The following SYNJ1 variants were observed in gnomAD, a reference collection of about 807,000 sequenced individuals.
The protein encoded by SYNJ1 is synaptojanin 1, also known as polyphosphatidylinositol phosphatase SYNJ1.
SYNJ1 carries 78 observed loss-of-function variants against 168.2 expected under a neutral mutation model. That is an observed-to-expected ratio of 0.46 (90% CI 0.39 to 0.56). The LOEUF (loss-of-function observed/expected upper bound fraction) is 0.56, where lower values mean the gene tolerates loss of function less well. SYNJ1 is among the 20% of genes least tolerant of loss of function. The pLI, the probability that SYNJ1 is intolerant of heterozygous loss-of-function variation, is 0.00. For synonymous variants in SYNJ1, 539 were observed against 548.6 expected, an observed-to-expected ratio of 0.98 and a Z score of 0.24; for missense variants, 1,303 against 1,597.6, an observed-to-expected ratio of 0.82 and a Z score of 3.14.
Position 32,631,094 on chromosome 21 carries a change from A to G in SYNJ1, c.*711T>C. ...TGCCGGGCGGGAGCAGAGGGACAGG[A>G]GGTGGAGGAGGTCTTCTTGACGGCA... On this transcript the variant is annotated 3_prime_UTR_variant, in exon 33 of 33. Coordinates refer to ENST00000674351, the MANE Select transcript of SYNJ1 (RefSeq NM_203446.3). The G allele has an allele frequency of 1.9e-6, 3 of 1,614,196 alleles. No individual in the cohort carries two copies. Among genetic ancestry groups the G allele is most frequent in the Non-Finnish European group, 2.5e-6 (3 of 1,180,030 alleles).
intron 2 of SYNJ1, among the ~76,000 whole-genome samples, chr21:32,715,319 C>A (rs1321370246): frequency 6.6e-6 from 1 of 151,916 alleles, no homozygotes; most frequent in Non-Finnish European, 1.5e-5. Flanking sequence ...TAAAGAGATA[C>A]AAAAATCAGC....
At chr21:32,663,837 G>C (rs1283628688) in intron 18 of SYNJ1, among the ~76,000 whole-genome samples, 1 of 152,224 alleles carries the variant, frequency 6.6e-6, no homozygotes, top group Non-Finnish European at 1.5e-5. Flanking sequence ...AGTCTCAGAT[G>C]AGAAATGCTA....
rs1264565181 is a variant in SYNJ1 at position 32,666,454 on chromosome 21, G to A, written c.1931C>T (p.Pro644Leu). ...TGACCTGATAAAAGGAGCATGCTGT[G>A]GTCTGATAAAAACAAACAAACAGAC... ...VGVCLFVFIR[P>L]QHAPFIRDVA... Residue 644 changes from proline to leucine, a missense_variant, in exon 16 of 33, where the codon CCA (proline) becomes CTA (leucine). This residue lies in a region of SYNJ1 where 920 missense variants were observed against 1,208.8 expected (regional missense o/e 0.76). Coordinates refer to ENST00000674351, the MANE Select transcript of SYNJ1 (RefSeq NM_203446.3). 6.2e-7 allele frequency: 1 copy of A among 1,613,906 alleles called. No homozygotes were observed. Among genetic ancestry groups the A allele is most frequent in the Non-Finnish European group, 8.5e-7 (1 of 1,179,910 alleles).
At chr21:32,655,160 C>T (rs1367235048) in intron 21 of SYNJ1, among the ~76,000 whole-genome samples, 1 of 152,168 alleles carries the variant, frequency 6.6e-6, no homozygotes, top group Non-Finnish European at 1.5e-5. Context: ...AAAGACAGGT[C>T]CCTTTCCTGT....
intron 26 of SYNJ1, 25 bp downstream of exon 26, chr21:32,644,943 C>A: frequency 7.5e-6 from 12 of 1,604,340 alleles, no homozygotes; most frequent in Non-Finnish European, 1.0e-5. Flanking sequence ...ACGATTCACA[C>A]ATGCTAACAA....
chr21:32,650,473 C>G (rs2145811153), intron 22 of SYNJ1, 127 bp from the exon 23 acceptor site: 2 of 749,834 alleles, frequency 2.7e-6, no homozygotes, highest in Non-Finnish European at 4.0e-6. Flanking sequence ...ATTCAGCTAA[C>G]TAAAGAAATA....
Position 32,702,891 on chromosome 21 carries a change from G to A in SYNJ1, c.125-844C>T, listed in dbSNP as rs553292178. Among the ~76,000 whole-genome samples, 6 of 152,286 alleles carry A rather than the reference G, an allele frequency of 3.9e-5. No homozygotes were observed. In the South Asian group the frequency reaches 1.2e-3, roughly 32 times the overall value. On this transcript the variant is annotated intron_variant, in intron 2 of 32. Transcript: ENST00000674351. Reference sequence around the variant, plus strand: ...GTTTGGCAACACTGACGTGTTCCACGTTAGAAAATCACGTAAGTAGATACT... The same window carrying A: ...GTTTGGCAACACTGACGTGTTCCACATTAGAAAATCACGTAAGTAGATACT...
At chr21:32,669,516 C>T (rs1299969662) in intron 15 of SYNJ1, among the ~76,000 whole-genome samples, 1 of 151,982 alleles carries the variant, frequency 6.6e-6, no homozygotes, top group Non-Finnish European at 1.5e-5. Flanking sequence ...CTTAGGGAAC[C>T]CAAGTGACCA....
At chr21:32,678,861 C>A (rs1369585653) in intron 11 of SYNJ1, 60 bp from the exon 12 acceptor site, 32 of 1,562,642 alleles carry the variant, frequency 2.0e-5, no homozygotes, top group Non-Finnish European at 2.5e-5. Context: ...TGATTTTACT[C>A]ATTAGGTTTT....
At position 32,665,065 on chromosome 21, in the gene SYNJ1, T is replaced by C; in HGVS notation, c.2152A>G (p.Met718Val). The C allele has an allele frequency of 6.3e-7, 1 of 1,590,784 alleles. No homozygotes were observed. The highest frequency in any genetic ancestry group is 8.6e-7 in the Non-Finnish European group (1 of 1,168,440). The change falls in exon 18 of 33, where the codon ATG (methionine) becomes GTG (valine). Residue 718 changes from methionine to valine, a missense_variant. Transcript: ENST00000674351. Reference protein sequence around the residue: ...ARKLSFPMGRMLFSHDYVFWC... With the variant: ...ARKLSFPMGRVLFSHDYVFWC... ...AATACATAGTCATGGGAAAATAGCA[T>C]CCTTCCCTGAAAGCAATGAGATAGA...
At chr21:32,661,138 T>G (rs1034762702) in intron 18 of SYNJ1, among the ~76,000 whole-genome samples, 5 of 152,208 alleles carry the variant, frequency 3.3e-5, no homozygotes, top group African/African-American at 1.2e-4. Flanking sequence ...TGTGCCACAG[T>G]TGCTGAGAGC....
chr21:32,673,588 G>T, intron 13 of SYNJ1, 57 bp from the exon 14 acceptor site: 1 of 1,438,504 alleles, frequency 7.0e-7, no homozygotes, highest in Non-Finnish European at 9.3e-7. Context: ...TATAAAAATT[G>T]ATTTTCATAA....
At chr21:32,711,337 C>CT (rs766824769) in intron 2 of SYNJ1, among the ~76,000 whole-genome samples, 1,920 of 144,128 alleles carry the variant, frequency 0.013, 40 homozygotes, top group African/African-American at 0.043. Context: ...GAGTGACTTA[C>CT]TTTTTTTTTT....
intron 10 of SYNJ1, among the ~76,000 whole-genome samples, chr21:32,682,159 A>T (rs532543494): frequency 2.4e-4 from 37 of 152,314 alleles, no homozygotes; most frequent in Admixed American, 5.2e-4. Flanking sequence ...TTTATGCATA[A>T]AATCCACATC....
chr21:32,702,439 AT>A (rs1402637387), intron 2 of SYNJ1, among the ~76,000 whole-genome samples: 1 of 152,184 alleles, frequency 6.6e-6, no homozygotes, highest in Non-Finnish European at 1.5e-5. Flanking sequence ...GCCTTGATTT[AT>A]TTCTTCTGCT....
chr21:32,631,133 G>A lies in SYNJ1; in HGVS notation c.*672C>T, dbSNP rs1393398077. The A allele has an allele frequency of 1.2e-6, 2 of 1,614,208 alleles. No individual in the cohort carries two copies. The highest frequency in any genetic ancestry group is 2.2e-5 in the East Asian group (1 of 44,890). Reference sequence around the variant, plus strand: ...TTCTTGACGGCAACACACAGAAGGAGACATTTGTACCTTTATTCCAGTCAT... The same window carrying A: ...TTCTTGACGGCAACACACAGAAGGAAACATTTGTACCTTTATTCCAGTCAT... On this transcript the variant is annotated 3_prime_UTR_variant, in exon 33 of 33. Transcript: ENST00000674351.
At position 32,721,446 on chromosome 21, in the gene SYNJ1, A is replaced by C. The variant is rs2146380879; in HGVS notation, c.124+5326T>G. Among the ~76,000 whole-genome samples the C allele has an allele frequency of 1.3e-5, 2 of 152,336 alleles. 1 individual carries two copies. Among genetic ancestry groups the C allele is most frequent in the South Asian group, 4.1e-4 (2 of 4,828 alleles). On this transcript the variant is annotated intron_variant, in intron 2 of 32. Transcript: ENST00000674351. ...ATAATCTCAGCACTTTGGGAAGCTG[A>C]GGTGGGTGGATCACAAGGTCAGGAG... is the stretch of plus-strand genomic sequence containing the variant.
intron 3 of SYNJ1, among the ~76,000 whole-genome samples, chr21:32,701,115 G>C (rs2042384198): frequency 6.6e-6 from 1 of 152,126 alleles, no homozygotes; most frequent in African/African-American, 2.4e-5. Context: ...AGAGATTAAA[G>C]CAAATACCTC....
At chr21:32,678,514 C>T (rs970724593) in intron 12 of SYNJ1, 131 bp downstream of exon 12, 23 of 1,022,198 alleles carry the variant, frequency 2.3e-5, no homozygotes, top group Non-Finnish European at 2.7e-5. Flanking sequence ...ATGTACTTTT[C>T]AAAAATTACC....
Sources: allele counts gnomAD v4.1 joint callset (sites outside exome capture counted in the v4.1 genomes callset), GRCh38; gene constraint gnomAD v4.1.1; regional missense constraint gnomAD v4.1.1; transcripts MANE v1.5; gene names NCBI Gene and HGNC (gene_info 2026-07-23, HGNC 2026-07-21).